Variants in DPP6 observed in about 807,000 individuals in gnomAD.
DPP6 encodes A-type potassium channel modulatory protein DPP6.
Under a neutral mutation model 122.6 loss-of-function variants are expected in DPP6, and 69 were observed. The ratio of observed to expected loss-of-function variants is 0.56; its 90% CI spans 0.46 to 0.69. The LOEUF (loss-of-function observed/expected upper bound fraction) is 0.69. Ranked by LOEUF, DPP6 falls within the 30% of genes least tolerant of loss-of-function variation. The pLI is 0.00. For synonymous variants in DPP6, 418 were observed against 433.1 expected (o/e 0.97, Z 0.43); for missense variants, 928 against 1,116.9 (o/e 0.83, Z 2.41).
the DPP6 span, among the ~76,000 whole-genome samples, chr7:153,756,159 C>T: frequency 8.6e-5 from 13 of 151,908 alleles, no homozygotes; most frequent in South Asian, 2.1e-3. Flanking sequence ...CTGATCCCTA[C>T]ACCTCCCTGT....
chr7:154,808,601 A>G (rs1412487100), intron 16 of DPP6, among the ~76,000 whole-genome samples: 2 of 152,204 alleles, frequency 1.3e-5, no homozygotes, highest in East Asian at 1.9e-4. Context: ...CTGACTCCCA[A>G]TGAGCCAGTG....
chr7:154,305,532 C>T (rs928111390), intron 1 of DPP6: 15 of 1,604,290 alleles, frequency 9.3e-6, no homozygotes, highest in Non-Finnish European at 1.3e-5. Flanking sequence ...TCGGGGAAAT[C>T]CGTGCAGCAG....
intron 1 of DPP6, among the ~76,000 whole-genome samples, chr7:154,357,409 C>T (rs1811358126): frequency 6.6e-6 from 1 of 151,888 alleles, no homozygotes; most frequent in African/African-American, 2.4e-5. Context: ...CAATTGCATG[C>T]AATTTTATTC....
intron 1 of DPP6, among the ~76,000 whole-genome samples, chr7:154,089,534 CAAAGT>C (rs982045778): frequency 1.6e-5 from 2 of 127,902 alleles, no homozygotes; most frequent in Non-Finnish European, 3.3e-5. Flanking sequence ...AATGAGACCA[CAAAGT>C]AAAGTATCAA....
At chr7:153,768,362 G>C in the DPP6 span, among the ~76,000 whole-genome samples, 1 of 152,006 alleles carries the variant, frequency 6.6e-6, no homozygotes, top group Non-Finnish European at 1.5e-5. Context: ...CTCAGGAAGT[G>C]CATTTGTAAG....
intron 1 of DPP6, among the ~76,000 whole-genome samples, chr7:153,958,936 C>T (rs1179048162): frequency 2.0e-5 from 3 of 151,988 alleles, no homozygotes; most frequent in African/African-American, 7.3e-5. Context: ...CTTCCCACAC[C>T]CCCTGCTTGT....
intron 1 of DPP6, among the ~76,000 whole-genome samples, chr7:154,198,251 A>G (rs1798971464): frequency 6.6e-6 from 1 of 152,108 alleles, no homozygotes; most frequent in Non-Finnish European, 1.5e-5. Flanking sequence ...CTGTCTTACT[A>G]CTACAGAGGG....
At position 154,342,487 on chromosome 7, in the gene DPP6, T is replaced by C. The variant is rs1402097287; in HGVS notation, c.244-103727T>C. On this transcript the variant is annotated intron_variant, in intron 1 of 25. Coordinates refer to ENST00000377770, the MANE Select transcript of DPP6 (RefSeq NM_130797.4). The stretch of plus-strand genomic sequence containing the variant: ...CAGAAGCAACATTAGAGTATCCTCC[T>C]TTAGCTGCTGAGTTGGGGGTGAAGT... Among the ~76,000 whole-genome samples, 4 of 152,212 alleles carry C rather than the reference T, an allele frequency of 2.6e-5. No homozygotes were observed. The East Asian group carries it at 7.7e-4, about 29-fold the overall frequency.
At chr7:154,578,476 G>T (rs1191653406) in intron 5 of DPP6, among the ~76,000 whole-genome samples, 2 of 152,170 alleles carry the variant, frequency 1.3e-5, no homozygotes, top group African/African-American at 4.8e-5. Flanking sequence ...CTGGCAGGCT[G>T]CGTGCAAGAG....
chr7:154,890,730 C>A, intron 25 of DPP6: 1 of 152,392 alleles, frequency 6.6e-6, no homozygotes, highest in Non-Finnish European at 1.5e-5. Context: ...GGAGCCAGGC[C>A]CAGCCCCAGG....
chr7:153,885,105 C>T (rs1226999835), upstream of DPP6, among the ~76,000 whole-genome samples: 10 of 83,860 alleles, frequency 1.2e-4, no homozygotes, highest in African/African-American at 5.9e-4. Flanking sequence ...TTTGGAGGCC[C>T]ATGCTTGGTG....
At chr7:154,491,905 A>C (rs1033271658) in intron 3 of DPP6, among the ~76,000 whole-genome samples, 1 of 152,126 alleles carries the variant, frequency 6.6e-6, no homozygotes, top group African/African-American at 2.4e-5. Context: ...AAGTTCCAGG[A>C]ACTTAATCTC....
chr7:154,501,456 T>G (rs1048936146), intron 3 of DPP6, among the ~76,000 whole-genome samples: 21 of 152,304 alleles, frequency 1.4e-4, no homozygotes, highest in African/African-American at 4.1e-4. Context: ...AGGGTTCATG[T>G]GCTGTGTGCA....
chr7:154,489,399 T>C (rs895098563), intron 3 of DPP6, among the ~76,000 whole-genome samples: 1 of 152,230 alleles, frequency 6.6e-6, no homozygotes, highest in African/African-American at 2.4e-5. Context: ...TGTTCTGAGA[T>C]TGGTGTAGAC....
At chr7:153,801,021 C>T in the DPP6 span, among the ~76,000 whole-genome samples, 1 of 151,600 alleles carries the variant, frequency 6.6e-6, no homozygotes, top group African/African-American at 2.4e-5. Flanking sequence ...AAATTATTTT[C>T]TATTGCTTAG....
chr7:153,905,530 A>G (rs979265958), intron 1 of DPP6, among the ~76,000 whole-genome samples: 3 of 152,194 alleles, frequency 2.0e-5, no homozygotes, highest in Non-Finnish European at 4.4e-5. Context: ...GGTGAGAAAG[A>G]TGGTTCTCTC....
chr7:154,443,111 T>C (rs971117427), intron 1 of DPP6, among the ~76,000 whole-genome samples: 17 of 152,204 alleles, frequency 1.1e-4, no homozygotes, highest in Admixed American at 5.9e-4. Flanking sequence ...CTCCTTGCTG[T>C]CTCCACTGAA....
chr7:154,376,145 T>C (rs1046117226), intron 1 of DPP6, among the ~76,000 whole-genome samples: 1 of 152,098 alleles, frequency 6.6e-6, no homozygotes, highest in Non-Finnish European at 1.5e-5. Context: ...ATCTGCAGCA[T>C]TGGGTAATTT....
chr7:154,512,280 G>T (rs1178066481), intron 3 of DPP6, among the ~76,000 whole-genome samples: 6 of 152,122 alleles, frequency 3.9e-5, no homozygotes, highest in Non-Finnish European at 7.4e-5. Flanking sequence ...TCACAGAAAT[G>T]ATTATTTTTC....
Sources: gnomAD v4.1 joint callset for allele counts (sites outside exome capture counted in the v4.1 genomes callset) on GRCh38, gnomAD v4.1.1 for gene constraint, MANE v1.5 for transcripts, NCBI Gene and HGNC (gene_info 2026-07-23, HGNC 2026-07-21) for gene names.